DOC2B: variants seen among roughly 807,000 people sequenced by gnomAD.
DOC2B encodes the protein double C2 domain beta.
Under a neutral mutation model 28.9 loss-of-function variants are expected in DOC2B, and 21 were observed. That is an observed-to-expected ratio of 0.73 (90% CI 0.52 to 1.05). The LOEUF (loss-of-function observed/expected upper bound fraction) is 1.05. DOC2B is among the 50% of genes least tolerant of loss of function. The pLI is 0.00. For missense variants in DOC2B, 384 were observed against 421.1 expected, an observed-to-expected ratio of 0.91 and a Z score of 0.77; for synonymous variants, 194 against 178.1, an observed-to-expected ratio of 1.09 and a Z score of -0.71.
chr17:161,982 A>T, intron 4 of DOC2B, 99 bp downstream of exon 4: 1 of 866,184 alleles, frequency 1.2e-6, no homozygotes, highest in Non-Finnish European at 1.9e-6. Flanking sequence ...GGTTGAACCC[A>T]CAGGGGACCA....
intron 3 of DOC2B, chr17:163,836 CT>C (rs756517138): frequency 1.5e-4 from 57 of 389,364 alleles, no homozygotes; most frequent in Admixed American, 1.2e-3. Flanking sequence ...GAGAATGCTT[CT>C]TATAAAATGC....
rs951528726 is a variant in DOC2B, at chr17:145,686, C to A, written c.*1755G>T. 655 of 152,776 alleles carry A rather than the reference C, an allele frequency of 4.3e-3. 3 individuals carry two copies. Among genetic ancestry groups the A allele is most frequent in the Middle Eastern group, 0.017 (5 of 296 alleles). 9.5% of individuals were successfully genotyped at this position (152,776 alleles called of 1,614,324 possible). A position where few individuals can be genotyped will look rare whatever the true frequency, so the allele number is the denominator to read the frequency against. ...TTTGTGTCTGCAGTGGAAGGTCCCA[C>A]CGTCGTGCCTGTGAGTCCCTCTATC... is the stretch of plus-strand genomic sequence containing the variant. On this transcript the variant is annotated 3_prime_UTR_variant, in exon 9 of 9. Coordinates refer to ENST00000613549, the MANE Select transcript of DOC2B (RefSeq NM_003585.5).
At chr17:170,049 G>A (rs2040294148) in intron 2 of DOC2B, among the ~76,000 whole-genome samples, 1 of 152,232 alleles carries the variant, frequency 6.6e-6, no homozygotes, top group African/African-American at 2.4e-5. Context: ...CTGGCATGGA[G>A]AGAGGAAGGG....
At chr17:169,695 G>A (rs1281422374) in intron 2 of DOC2B, among the ~76,000 whole-genome samples, 1 of 152,036 alleles carries the variant, frequency 6.6e-6, no homozygotes, top group Non-Finnish European at 1.5e-5. Flanking sequence ...TTATAAGGGG[G>A]GACAAGCAAG....
chr17:176,056 C>T (rs985460556), intron 1 of DOC2B, among the ~76,000 whole-genome samples: 1 of 152,182 alleles, frequency 6.6e-6, no homozygotes, highest in African/African-American at 2.4e-5. Context: ...ATGGCCCAAA[C>T]TCTTCATTTC....
Position 181,351 on chromosome 17 carries a change from GC to G in DOC2B, c.128del (p.Gly43AlafsTer111). 1 of 1,131,120 alleles carries G rather than the reference GC, an allele frequency of 8.8e-7. No individual in the cohort carries two copies. Among genetic ancestry groups the G allele is most frequent in the Non-Finnish European group, 1.1e-6 (1 of 923,360 alleles). The allele number at this position is 1,131,120 out of a possible 1,614,324, so 70.1% of individuals were successfully genotyped here. ...CTCGGGGCCCGGCGTCCGGGGGCAGGCCCCGCGGGAAGCGGGGGAAGTAGTC... is the reference window on the plus strand; with the variant it reads ...CTCGGGGCCCGGCGTCCGGGGGCAGGCCCGCGGGAAGCGGGGGAAGTAGTC... ...ISDYFPRFPR[G>X]LPPDAGPRAA... On this transcript the variant is annotated frameshift_variant, in exon 1 of 9. Transcript: ENST00000613549. LOFTEE classifies it high-confidence loss of function. The surrounding 1 kb of genome is among the most constrained non-coding windows in gnomAD (Gnocchi z 7.0).
intron 1 of DOC2B, among the ~76,000 whole-genome samples, chr17:174,742 G>A (rs992768944): frequency 6.6e-6 from 1 of 152,198 alleles, no homozygotes; most frequent in Non-Finnish European, 1.5e-5. Context: ...TGTTGGCGCA[G>A]ACAGCTCTCA....
intron 2 of DOC2B, among the ~76,000 whole-genome samples, chr17:165,969 C>T (rs2040259319): frequency 1.3e-5 from 2 of 152,234 alleles, no homozygotes; most frequent in Non-Finnish European, 2.9e-5. Flanking sequence ...ACCACATGTT[C>T]TGGCGTATGT....
At chr17:154,874 C>G (rs564599918) in intron 6 of DOC2B, among the ~76,000 whole-genome samples, 1 of 152,068 alleles carries the variant, frequency 6.6e-6, no homozygotes, top group African/African-American at 2.4e-5. Context: ...CGATTACAGG[C>G]GCCCGCCACC....
chr17:147,059 C>T lies in DOC2B; in HGVS notation c.*382G>A, dbSNP rs978261278. ...CATCCTCCACCTGTCTGTCTGCTCA[C>T]CACCTCCCTCCTCTGTTCCCACTGT... is the stretch of plus-strand genomic sequence containing the variant. On this transcript the variant is annotated 3_prime_UTR_variant, in exon 9 of 9. Transcript: ENST00000613549. 2.2e-5 allele frequency: 4 copies of T among 184,862 alleles called. No individual in the cohort carries two copies. Among genetic ancestry groups the T allele is most frequent in the African/African-American group, 9.3e-5 (4 of 42,798 alleles). 11.5% of individuals were successfully genotyped at this position (184,862 alleles called of 1,614,324 possible). A position where few individuals can be genotyped will look rare whatever the true frequency, so the allele number is the denominator to read the frequency against.
chr17:146,338 G>A lies in DOC2B; in HGVS notation c.*1103C>T, dbSNP rs2040018855. Reference sequence around the variant, plus strand: ...TGCTTGCTTTTTTTCCCAAGCACAAGGGACCCTTTTCTCCACTGCAGCTGA... The same window carrying A: ...TGCTTGCTTTTTTTCCCAAGCACAAAGGACCCTTTTCTCCACTGCAGCTGA... On this transcript the variant is annotated 3_prime_UTR_variant, in exon 9 of 9. Transcript: ENST00000613549. 6.6e-6 allele frequency: 1 copy of A among 152,224 alleles called. No individual in the cohort carries two copies. Among genetic ancestry groups the A allele is most frequent in the Non-Finnish European group, 1.5e-5 (1 of 68,082 alleles). 9.4% of individuals were successfully genotyped at this position (152,224 alleles called of 1,614,324 possible). A position where few individuals can be genotyped will look rare whatever the true frequency, so the allele number is the denominator to read the frequency against.
intron 5 of DOC2B, among the ~76,000 whole-genome samples, chr17:160,077 C>T (rs998941835): frequency 1.9e-4 from 28 of 151,126 alleles, no homozygotes; most frequent in African/African-American, 6.8e-4. Context: ...CTCCGCCTCT[C>T]AGGTTCAAGC....
rs2040046119 is a variant in DOC2B, at chr17:149,156, A to C, written c.960T>G (p.His320Gln). 2.5e-6 allele frequency: 1 copy of C among 399,806 alleles called. No individual in the cohort carries two copies. The highest frequency in any genetic ancestry group is 1.3e-4 in the South Asian group (1 of 7,910). The allele number at this position is 399,806 out of a possible 1,614,324, so 24.8% of individuals were successfully genotyped here. The change falls in exon 7 of 9, where the codon CAT becomes CAG. Residue 320 changes from histidine (H) to glutamine (Q), a missense_variant. Physicochemically the swap from His to Gln is conservative, Grantham distance 24. Coordinates refer to ENST00000613549, the MANE Select transcript of DOC2B (RefSeq NM_003585.5). ...GGGTTTTTTTCTTCACCGCTGTCTT[A>C]TGTTTGGATTTCTTGTCCACATCTG... ...LRPDVDKKSKHKTAVKKKTLN... is the reference protein window; with the variant it reads ...LRPDVDKKSKQKTAVKKKTLN...
intron 1 of DOC2B, among the ~76,000 whole-genome samples, chr17:175,618 C>T (rs2040361286): frequency 6.6e-6 from 1 of 152,270 alleles, no homozygotes; most frequent in South Asian, 2.1e-4. Flanking sequence ...GATGCAGACA[C>T]ACATGGCTGG....
intron 5 of DOC2B, among the ~76,000 whole-genome samples, chr17:161,058 A>G (rs1426878374): frequency 6.6e-6 from 1 of 152,054 alleles, no homozygotes; most frequent in Non-Finnish European, 1.5e-5. Flanking sequence ...TCTGGTTCAG[A>G]ATCAAGCCCT....
intron 7 of DOC2B, 57 bp downstream of exon 7, chr17:149,054 C>T (rs2040045081): frequency 7.5e-6 from 3 of 398,816 alleles, no homozygotes; most frequent in Non-Finnish European, 1.3e-5. Context: ...CCAGCCACAC[C>T]CCCACTGCTG....
At chr17:162,691 G>A (rs1006388856) in intron 3 of DOC2B, among the ~76,000 whole-genome samples, 3 of 152,220 alleles carry the variant, frequency 2.0e-5, no homozygotes, top group African/African-American at 7.2e-5. Context: ...TTTAAGCCAC[G>A]AAGTTTGTGG....
At position 142,833 on chromosome 17, in the gene DOC2B, C is replaced by G. The variant is rs1235187067; in HGVS notation, c.*4608G>C. 19 of 152,232 alleles carry G rather than the reference C, an allele frequency of 1.2e-4. No individual in the cohort carries two copies. Among genetic ancestry groups the G allele is most frequent in the African/African-American group, 4.6e-4 (19 of 41,514 alleles). 9.4% of individuals were successfully genotyped at this position (152,232 alleles called of 1,614,324 possible). A position where few individuals can be genotyped will look rare whatever the true frequency, so the allele number is the denominator to read the frequency against. ...GCTTTTATCTCGAGAAATTTCTGAC[C>G]TAAAGAATGATGTACAATAAACTGT... On this transcript the variant is annotated 3_prime_UTR_variant, in exon 9 of 9. Coordinates refer to ENST00000613549, the MANE Select transcript of DOC2B (RefSeq NM_003585.5).
At chr17:177,196 G>T (rs536239062) in intron 1 of DOC2B, among the ~76,000 whole-genome samples, 1 of 152,194 alleles carries the variant, frequency 6.6e-6, no homozygotes, top group African/African-American at 2.4e-5. Context: ...GGGACAGAGA[G>T]AAATGAGCCA....
Sources: gnomAD v4.1 joint callset for allele counts (sites outside exome capture counted in the v4.1 genomes callset) on GRCh38, gnomAD v4.1.1 for gene constraint, Gnocchi (gnomAD v3.1) non-coding constraint, MANE v1.5 for transcripts, NCBI Gene and HGNC (gene_info 2026-07-23, HGNC 2026-07-21) for gene names.